HOTAIR: variants seen among roughly 807,000 people sequenced by gnomAD.
HOTAIR encodes the protein HOX transcript antisense RNA.
chr12:53,974,182 C>G (rs1211687403), intron 1 of HOTAIR, among the ~76,000 whole-genome samples: 2 of 152,176 alleles, frequency 1.3e-5, no homozygotes, highest in Non-Finnish European at 2.9e-5. Flanking sequence ...GTGAACCCCC[C>G]TCCCCCGTTA....
intron 1 of HOTAIR, among the ~76,000 whole-genome samples, chr12:53,974,178 C>A (rs988671272): frequency 6.6e-6 from 1 of 152,074 alleles, no homozygotes; most frequent in Admixed American, 6.5e-5. Context: ...CCGGGTGAAC[C>A]CCCCTCCCCC....
chr12:53,969,092 G>C (rs1400904796), intron 1 of HOTAIR, among the ~76,000 whole-genome samples: 1 of 152,240 alleles, frequency 6.6e-6, no homozygotes, highest in Non-Finnish European at 1.5e-5. Context: ...CTGCTCTGTG[G>C]TGAGGCGGGA....
chr12:53,967,181 A>T (rs549605297), intron 3 of HOTAIR: 1 of 152,306 alleles, frequency 6.6e-6, no homozygotes, highest in Non-Finnish European at 1.5e-5. Context: ...GTTCAATCTG[A>T]TGCTCCAAAA....
intron 1 of HOTAIR, among the ~76,000 whole-genome samples, chr12:53,974,280 G>A (rs899430848): frequency 1.5e-4 from 22 of 146,244 alleles, no homozygotes; most frequent in African/African-American, 5.4e-4. Flanking sequence ...ATTTAAGGAA[G>A]TATGGGGAGC....
At chr12:53,970,765 G>A (rs914822654) in intron 1 of HOTAIR, among the ~76,000 whole-genome samples, 1 of 152,126 alleles carries the variant, frequency 6.6e-6, no homozygotes, top group African/African-American at 2.4e-5. Flanking sequence ...ATAAACTTTG[G>A]TGGTCAAATT....
chr12:53,967,860 G>C (rs560214713), intron 2 of HOTAIR: 1 of 152,362 alleles, frequency 6.6e-6, no homozygotes, highest in East Asian at 1.9e-4. Context: ...CTTGCAGAGA[G>C]TGGGGCAGGG....
At chr12:53,968,263 T>G (rs913091476) in intron 2 of HOTAIR, 1 of 152,096 alleles carries the variant, frequency 6.6e-6, no homozygotes, top group African/African-American at 2.4e-5. Flanking sequence ...TACACAAATG[T>G]GTGCACTCTC....
intron 1 of HOTAIR, among the ~76,000 whole-genome samples, chr12:53,970,271 CAAGG>C (rs1939127075): frequency 6.6e-6 from 1 of 152,176 alleles, no homozygotes; most frequent in Non-Finnish European, 1.5e-5. Flanking sequence ...GCGGGCTTGA[CAAGG>C]AAGGGATTGG....
intron 1 of HOTAIR, among the ~76,000 whole-genome samples, chr12:53,969,187 T>C (rs1939108993): frequency 6.6e-6 from 1 of 152,210 alleles, no homozygotes; most frequent in African/African-American, 2.4e-5. Flanking sequence ...TGAAGCCCAA[T>C]AGCAGCGGCT....
At position 53,973,433 on chromosome 12, in the gene HOTAIR, G is replaced by C; in HGVS notation, n.59+1465C>G. 1 of 1,613,790 alleles carries C rather than the reference G, an allele frequency of 6.2e-7. No homozygotes were observed. The highest frequency in any genetic ancestry group is 8.5e-7 in the Non-Finnish European group (1 of 1,179,960). On this transcript the variant is annotated intron_variant and non_coding_transcript_variant, in intron 1 of 6. Coordinates refer to ENST00000424518, the Ensembl canonical transcript of HOTAIR. The surrounding 1 kb of genome is among the most constrained non-coding windows in gnomAD (Gnocchi z 4.3). ...CTCGTCAGATCTCCTATCCCTACTC[G>C]GCCCAAGTGCCCCCGGTCCGGGAGG...
chr12:53,973,025 A>G lies in HOTAIR; in HGVS notation n.59+1873T>C, dbSNP rs1939174195. The G allele has an allele frequency of 2.1e-6, 1 of 469,596 alleles. No homozygotes were observed. The allele number at this position is 469,596 out of a possible 1,614,324, so 29.1% of individuals were successfully genotyped here. On this transcript the variant is annotated intron_variant and non_coding_transcript_variant, in intron 1 of 6. Transcript: ENST00000424518. This position sits in a 1 kb window ranked among gnomAD's most constrained non-coding sequence, Gnocchi z 4.3. ...TCATAATGTTTCTGCGGTGTTTGCA[A>G]ACCAATCGCCTGAACGTCCCCGATC...
intron 5 of HOTAIR, among the ~76,000 whole-genome samples, chr12:53,964,932 C>T (rs964870527): frequency 9.2e-5 from 14 of 152,200 alleles, no homozygotes. Context: ...CATAGACCTG[C>T]CTCCTCTAGT....
chr12:53,971,484 C>T (rs1214053589), intron 1 of HOTAIR, among the ~76,000 whole-genome samples: 1 of 152,220 alleles, frequency 6.6e-6, no homozygotes, highest in Non-Finnish European at 1.5e-5. Flanking sequence ...TTTGTGTCCT[C>T]CTTATCTGGT....
chr12:53,964,661 TTC>T (rs941937340), intron 5 of HOTAIR, among the ~76,000 whole-genome samples: 1 of 152,146 alleles, frequency 6.6e-6, no homozygotes, highest in Non-Finnish European at 1.5e-5. Context: ...GAGAAAGTAT[TTC>T]TCTTTTATTG....
At chr12:53,967,421 G>A (rs1251399059) in intron 2 of HOTAIR, 4 of 152,200 alleles carry the variant, frequency 2.6e-5, no homozygotes, top group Non-Finnish European at 4.4e-5. Context: ...AAAAACAAAG[G>A]AAGAGGATTT....
At chr12:53,965,566 G>A (rs1363564444) in intron 5 of HOTAIR, among the ~76,000 whole-genome samples, 1 of 152,214 alleles carries the variant, frequency 6.6e-6, no homozygotes, top group Non-Finnish European at 1.5e-5. Context: ...TTGTGTTGTT[G>A]TTGTTTCCGG....
intron 1 of HOTAIR, chr12:53,968,854 G>A (rs976963329): frequency 1.3e-5 from 2 of 152,264 alleles, no homozygotes; most frequent in Admixed American, 6.5e-5. Context: ...TGTGTCACCT[G>A]AAGTTTTTCA....
At chr12:53,974,737 G>C (rs1939223235) in intron 1 of HOTAIR, among the ~76,000 whole-genome samples, 2 of 151,846 alleles carry the variant, frequency 1.3e-5, no homozygotes, top group Admixed American at 6.6e-5. Context: ...CCCGCCTCCC[G>C]ACTGCTCTCG....
At chr12:53,969,081 T>A (rs1939108102) in intron 1 of HOTAIR, among the ~76,000 whole-genome samples, 1 of 152,224 alleles carries the variant, frequency 6.6e-6, no homozygotes, top group Non-Finnish European at 1.5e-5. Context: ...CCAACCCGCC[T>A]CTGCTCTGTG....
Sources: gnomAD v4.1 joint callset for allele counts (sites outside exome capture counted in the v4.1 genomes callset) on GRCh38, gnomAD v4.1.1 for gene constraint, Gnocchi (gnomAD v3.1) non-coding constraint, MANE v1.5 for transcripts, NCBI Gene and HGNC (gene_info 2026-07-23, HGNC 2026-07-21) for gene names.